Variants in CCDC40 observed in about 807,000 individuals in gnomAD.
CCDC40 encodes the protein coiled-coil domain 40 molecular ruler complex subunit.
CCDC40 carries 104 observed loss-of-function variants against 124.5 expected under a neutral mutation model. The observed-to-expected ratio is 0.84, with a 90% CI of 0.71 to 0.98. CCDC40 has a LOEUF of 0.98. Among genes scored for constraint, CCDC40 ranks in the 50% least tolerant of loss-of-function variants. The pLI, the probability that CCDC40 is intolerant of heterozygous loss-of-function variation, is 0.00. For synonymous variants in CCDC40, 580 were observed against 602.9 expected (o/e 0.96, Z 0.56); for missense variants, 1,463 against 1,503.9 (o/e 0.97, Z 0.45).
At chr17:80,097,505 C>A in intron 19 of CCDC40, 102 bp downstream of exon 19, 2 of 1,243,592 alleles carry the variant, frequency 1.6e-6, no homozygotes, top group South Asian at 2.6e-5. Flanking sequence ...CTCTCCTGAT[C>A]AGGTCACGGC....
At chr17:80,057,050 A>AAG (rs980246778) in intron 7 of CCDC40, among the ~76,000 whole-genome samples, 3 of 151,300 alleles carry the variant, frequency 2.0e-5, no homozygotes, top group African/African-American at 7.3e-5. Context: ...AAAAAAAAAA[A>AAG]AAGAAGAATA....
At chr17:80,070,604 A>G (rs2038163597) in intron 10 of CCDC40, among the ~76,000 whole-genome samples, 1 of 152,086 alleles carries the variant, frequency 6.6e-6, no homozygotes, top group African/African-American at 2.4e-5. Flanking sequence ...CTGTCTCTCA[A>G]AAAATTTTTA....
intron 5 of CCDC40, among the ~76,000 whole-genome samples, chr17:80,049,258 A>T (rs1188899946): frequency 6.7e-6 from 1 of 149,516 alleles, no homozygotes; most frequent in Non-Finnish European, 1.5e-5. Context: ...AAAAAAAATT[A>T]GCTGGGCATG....
In CCDC40 at chr17:80,087,135, C is replaced by T; in HGVS notation, c.2450-472C>T. ...GATGAACCAGCTGTGGCCTCTTGTG[C>T]CCTCCACCCATCTTAACATCAAGAA... On this transcript the variant is annotated intron_variant, in intron 14 of 19. Coordinates refer to ENST00000397545, the MANE Select transcript of CCDC40 (RefSeq NM_017950.4). The surrounding 1 kb of genome is among the most constrained non-coding windows in gnomAD (Gnocchi z 4.5). The T allele has an allele frequency of 4.2e-6, 1 of 237,498 alleles. No homozygotes were observed. The highest frequency in any genetic ancestry group is 8.4e-6 in the Non-Finnish European group (1 of 118,738). 14.7% of individuals were successfully genotyped at this position (237,498 alleles called of 1,614,324 possible). A position where few individuals can be genotyped will look rare whatever the true frequency, so the allele number is the denominator to read the frequency against.
intron 7 of CCDC40, among the ~76,000 whole-genome samples, chr17:80,052,435 C>G (rs1351071067): frequency 6.6e-6 from 1 of 152,146 alleles, no homozygotes; most frequent in East Asian, 1.9e-4. Context: ...TGAGATGGTG[C>G]CCACCCAGAT....
At chr17:80,044,986 C>T (rs1050970165) in intron 3 of CCDC40, among the ~76,000 whole-genome samples, 5 of 152,126 alleles carry the variant, frequency 3.3e-5, no homozygotes, top group Admixed American at 6.5e-5. Flanking sequence ...CACGGACACC[C>T]GGAAACCTCT....
intron 10 of CCDC40, among the ~76,000 whole-genome samples, chr17:80,077,528 T>C (rs4889812): frequency 0.82 from 124,208 of 152,188 alleles, 51,266 homozygotes; most frequent in African/African-American, 0.95. Flanking sequence ...GTCTCAAAAA[T>C]AAACAATAAA....
In CCDC40 at chr17:80,099,729, TCAGC is replaced by T. The variant is rs2038884088; in HGVS notation, c.3387_3390del (p.Ser1129ArgfsTer2). On this transcript the variant is annotated frameshift_variant, in exon 20 of 20. Transcript: ENST00000397545. LOFTEE classifies it low-confidence loss of function (END_TRUNC). The stretch of plus-strand genomic sequence containing the variant: ...CAGTTCCAGGAGGCCCTGCACAAGG[TCAGC>T]CAGATGATCGCCAACAAGCTCGAGT... The T allele has an allele frequency of 6.2e-7, 1 of 1,613,506 alleles. No individual in the cohort carries two copies. The highest frequency in any genetic ancestry group is 2.2e-5 in the East Asian group (1 of 44,868).
chr17:80,043,383 C>A (rs748362029), intron 3 of CCDC40, among the ~76,000 whole-genome samples: 6 of 152,138 alleles, frequency 3.9e-5, no homozygotes, highest in Non-Finnish European at 8.8e-5. Context: ...TCCCCAGGAC[C>A]TCTCAGCGGC....
chr17:80,040,362 AC>A (rs1216564350), intron 3 of CCDC40, 92 bp downstream of exon 3: 5 of 1,196,204 alleles, frequency 4.2e-6, no homozygotes, highest in Non-Finnish European at 6.0e-6. Flanking sequence ...CATTATAAAT[AC>A]AAATTGCAAT....
chr17:80,094,547 T>C (rs1396841463), intron 17 of CCDC40, among the ~76,000 whole-genome samples: 1 of 151,960 alleles, frequency 6.6e-6, no homozygotes, highest in African/African-American at 2.4e-5. Flanking sequence ...ATACAAAAAT[T>C]AGCCAGGCCT....
At chr17:80,083,413 G>A (rs1217057682) in intron 12 of CCDC40, among the ~76,000 whole-genome samples, 3 of 152,216 alleles carry the variant, frequency 2.0e-5, no homozygotes, top group African/African-American at 7.2e-5. Context: ...GAGAGACATG[G>A]AGCCCACAGG....
At chr17:80,060,565 C>G (rs1160489359) in intron 9 of CCDC40, among the ~76,000 whole-genome samples, 4 of 151,368 alleles carry the variant, frequency 2.6e-5, no homozygotes. Context: ...AGACTAAATG[C>G]TCAAGAATAC....
chr17:80,086,062 G>A lies in CCDC40; in HGVS notation c.2295G>A (p.Glu765=), dbSNP rs746449478. 1.2e-6 allele frequency: 2 copies of A among 1,614,026 alleles called. No individual in the cohort carries two copies. The highest frequency in any genetic ancestry group is 1.7e-6 in the Non-Finnish European group (2 of 1,180,040). The part of the protein sequence containing the change: ...EIKRLSKLID[E]HDGKAVQAQV... Reference sequence around the variant, plus strand: ...AAAGGCTGAGCAAGCTGATCGACGAGCACGATGGCAAGGCGGTCCAGGCCC... The same window carrying A: ...AAAGGCTGAGCAAGCTGATCGACGAACACGATGGCAAGGCGGTCCAGGCCC... The change falls in exon 14 of 20, where the codon GAG becomes GAA. Residue 765 remains glutamate, a synonymous_variant. Transcript: ENST00000397545. This position sits in a 1 kb window ranked among gnomAD's most constrained non-coding sequence, Gnocchi z 5.5.
intron 2 of CCDC40, 68 bp from the exon 3 acceptor site, chr17:80,039,743 TA>T: frequency 6.4e-7 from 1 of 1,562,028 alleles, no homozygotes; most frequent in Admixed American, 1.9e-5. Flanking sequence ...AATTACACTA[TA>T]AAGAATAAAA....
intron 5 of CCDC40, 21 bp downstream of exon 5, chr17:80,048,782 T>C: frequency 6.3e-7 from 1 of 1,587,876 alleles, no homozygotes; most frequent in Non-Finnish European, 8.6e-7. Context: ...CTTCCCAGGT[T>C]TTGCTTTTGC....
rs764252103 is a variant in CCDC40 at position 80,081,547 on chromosome 17, G to A, written c.1564G>A (p.Gly522Arg). Residue 522 changes from glycine to arginine, a missense_variant and splice_region_variant, in exon 11 of 20, where the codon GGA (glycine) becomes AGA (arginine). Physicochemically the swap from Gly to Arg is moderately radical, Grantham distance 125. Transcript: ENST00000397545. Reference sequence around the variant, plus strand: ...GCTCTCCCCGCTGCATTTCTACAGAGGATGCCAGCATCAAGCCAAATCCAC... The same window carrying A: ...GCTCTCCCCGCTGCATTTCTACAGAAGATGCCAGCATCAAGCCAAATCCAC... ...AHRAVLEALR[G>R]CQHQAKSTDG... The A allele has an allele frequency of 3.1e-6, 5 of 1,613,480 alleles. No homozygotes were observed. In the Admixed American group the frequency reaches 6.7e-5, roughly 22 times the overall value.
At position 80,049,931 on chromosome 17, in the gene CCDC40, C is replaced by T. The variant is rs1014313539; in HGVS notation, c.881C>T (p.Ala294Val). The T allele has an allele frequency of 3.1e-6, 5 of 1,614,042 alleles. No individual in the cohort carries two copies. Among genetic ancestry groups the T allele is most frequent in the Non-Finnish European group, 3.4e-6 (4 of 1,179,974 alleles). Residue 294 changes from alanine to valine, a missense_variant, in exon 6 of 20, where the codon GCC becomes GTC. Ala to Val is a moderately conservative substitution (Grantham distance 64, BLOSUM62 0). Transcript: ENST00000397545. ...CCCCTGATGGTAAGATTCCAGGCTG[C>T]CCTGAAGAACTACCTGAACCGACAG... ...DHPLMVRFQA[A>V]LKNYLNRQIE...
chr17:80,047,391 C>T lies in CCDC40; in HGVS notation c.665C>T (p.Ser222Leu), dbSNP rs1397267048. The change falls in exon 4 of 20, where the codon TCG becomes TTG. Residue 222 changes from serine to leucine, a missense_variant. Transcript: ENST00000397545. ...IESSDLEEFV[S>L]QEPVIPPGVP... ...TCCTCAGACCTGGAGGAGTTCGTCT[C>T]GCAGGAGCCAGGTGCCACCCACCTG... 3 of 1,612,564 alleles carry T rather than the reference C, an allele frequency of 1.9e-6. No individual in the cohort carries two copies. Among genetic ancestry groups the T allele is most frequent in the South Asian group, 2.2e-5 (2 of 90,890 alleles).
Sources: gnomAD v4.1 joint callset for allele counts (sites outside exome capture counted in the v4.1 genomes callset) on GRCh38, gnomAD v4.1.1 for gene constraint, Gnocchi (gnomAD v3.1) non-coding constraint, MANE v1.5 for transcripts, NCBI Gene and HGNC (gene_info 2026-07-23, HGNC 2026-07-21) for gene names.